ZNF292: variants seen among roughly 807,000 people sequenced by gnomAD.
ZNF292 encodes 16 zinc-finger domain protein.
ZNF292 carries 26 observed loss-of-function variants against 217.9 expected under a neutral mutation model. That is an observed-to-expected ratio of 0.12 (90% confidence interval 0.09 to 0.17). ZNF292 has a LOEUF of 0.17. Ranked by LOEUF, ZNF292 falls within the 10% of genes least tolerant of loss-of-function variation. ZNF292 has a pLI of 1.00. For missense variants in ZNF292, 2,904 were observed against 3,175.2 expected, an observed-to-expected ratio of 0.91 and a Z score of 2.05; for synonymous variants, 1,257 against 1,124.1, an observed-to-expected ratio of 1.12 and a Z score of -2.37.
At chr6:87,251,351 C>T (rs1052793820) in intron 7 of ZNF292, among the ~76,000 whole-genome samples, 1 of 152,142 alleles carries the variant, frequency 6.6e-6, no homozygotes, top group Non-Finnish European at 1.5e-5. Flanking sequence ...TGGGATGTTA[C>T]ATGGGAAACT....
At position 87,155,687 on chromosome 6, in the gene ZNF292, G is replaced by A; in HGVS notation, c.96G>A (p.Leu32=). Residue 32 remains leucine, a synonymous_variant, in exon 1 of 8, where the codon CTG becomes CTA. Transcript: ENST00000369577. ...GCCTGGGCGAGCGGCTCCAGGAGCT[G>A]GAGCTACAGCTGCGGGAGAGCCGGG... ...LQRLGERLQE[L]ELQLRESRVP... 1 of 1,590,468 alleles carries A rather than the reference G, an allele frequency of 6.3e-7. No homozygotes were observed. Among genetic ancestry groups the A allele is most frequent in the East Asian group, 2.3e-5 (1 of 43,860 alleles).
intron 4 of ZNF292, chr6:87,222,951 A>G: frequency 2.8e-6 from 1 of 351,952 alleles, no homozygotes; most frequent in Non-Finnish European, 5.9e-6. Flanking sequence ...TCATGATTAG[A>G]CTGGGGTTAT....
intron 1 of ZNF292, among the ~76,000 whole-genome samples, chr6:87,157,013 A>G (rs1421638717): frequency 2.0e-5 from 3 of 152,260 alleles, no homozygotes; most frequent in Admixed American, 1.3e-4. Context: ...ACGTAGAACA[A>G]TGGTTGACCA....
chr6:87,200,242 A>G (rs1405753232), intron 1 of ZNF292, among the ~76,000 whole-genome samples: 1 of 152,208 alleles, frequency 6.6e-6, no homozygotes, highest in Admixed American at 6.5e-5. Context: ...TGACTGCTTG[A>G]CTATGGGAGT....
intron 1 of ZNF292, among the ~76,000 whole-genome samples, chr6:87,180,156 A>G (rs1771428990): frequency 6.6e-6 from 1 of 152,254 alleles, no homozygotes; most frequent in Non-Finnish European, 1.5e-5. Flanking sequence ...ATCGCAAAAC[A>G]AAACAAAACA....
At chr6:87,216,507 C>T (rs1000096506) in intron 3 of ZNF292, 130 bp downstream of exon 3, 1 of 643,074 alleles carries the variant, frequency 1.6e-6, no homozygotes, top group Non-Finnish European at 2.7e-6. Context: ...ATCTTATTGA[C>T]ACTAGTATCT....
chr6:87,160,919 A>G (rs1770726613), intron 1 of ZNF292, among the ~76,000 whole-genome samples: 1 of 152,158 alleles, frequency 6.6e-6, no homozygotes, highest in Non-Finnish European at 1.5e-5. Flanking sequence ...AATTCCTCTA[A>G]GTACCCTTTT....
chr6:87,163,839 T>TTC (rs2127769983), intron 1 of ZNF292, among the ~76,000 whole-genome samples: 1 of 152,014 alleles, frequency 6.6e-6, no homozygotes, highest in African/African-American at 2.4e-5. Context: ...ACTGGCATTT[T>TTC]TGGAGAAAAA....
In ZNF292 at chr6:87,257,508, T is replaced by C; in HGVS notation, c.3879T>C (p.Asn1293=). The change falls in exon 8 of 8, where the codon AAT becomes AAC. Residue 1293 remains asparagine (N), a synonymous_variant. Coordinates refer to ENST00000369577, the MANE Select transcript of ZNF292 (RefSeq NM_015021.3). ...TNSVFSQLEN[N]TNHYSSQIEG... is the part of the protein sequence containing the mutation. The stretch of plus-strand genomic sequence containing the variant: ...CTGTTTTTTCCCAACTGGAAAATAA[T>C]ACAAATCATTATTCCTCACAGATTG... 1 of 1,610,490 alleles carries C rather than the reference T, an allele frequency of 6.2e-7. No individual in the cohort carries two copies. Among genetic ancestry groups the C allele is most frequent in the South Asian group, 1.1e-5 (1 of 90,440 alleles).
chr6:87,188,622 A>G (rs1262927583), intron 1 of ZNF292, among the ~76,000 whole-genome samples: 1 of 152,078 alleles, frequency 6.6e-6, no homozygotes, highest in Non-Finnish European at 1.5e-5. Context: ...GATTATTTAA[A>G]GTTCTTACAA....
chr6:87,249,045 T>TA (rs1410874933), intron 7 of ZNF292, among the ~76,000 whole-genome samples: 2 of 152,170 alleles, frequency 1.3e-5, no homozygotes, highest in Non-Finnish European at 2.9e-5. Flanking sequence ...GGTTCAGAAT[T>TA]AGAGTATATA....
At chr6:87,239,291 G>T (rs1452257395) in intron 5 of ZNF292, among the ~76,000 whole-genome samples, 14 of 151,482 alleles carry the variant, frequency 9.2e-5, no homozygotes, top group Non-Finnish European at 1.8e-4. Context: ...CGGACGGGGC[G>T]CCAGCTGGGC....
chr6:87,245,949 T>C (rs1774556265), intron 7 of ZNF292, among the ~76,000 whole-genome samples: 1 of 152,204 alleles, frequency 6.6e-6, no homozygotes, highest in Non-Finnish European at 1.5e-5. Flanking sequence ...ATTTAAAAAG[T>C]AGGCTGGGCG....
intron 7 of ZNF292, among the ~76,000 whole-genome samples, chr6:87,247,291 A>ATGTG (rs1554204903): frequency 3.5e-5 from 3 of 85,860 alleles, no homozygotes; most frequent in Non-Finnish European, 6.2e-5. Context: ...ATGCGCACGC[A>ATGTG]CGTGCATGCA....
intron 1 of ZNF292, among the ~76,000 whole-genome samples, chr6:87,172,612 A>G (rs1771137303): frequency 6.6e-6 from 1 of 152,158 alleles, no homozygotes; most frequent in Non-Finnish European, 1.5e-5. Flanking sequence ...TTCTAAATGC[A>G]GAATAACATA....
intron 1 of ZNF292, among the ~76,000 whole-genome samples, chr6:87,167,852 C>CATTCAAA (rs1462910899): frequency 6.6e-6 from 1 of 152,164 alleles, no homozygotes; most frequent in East Asian, 1.9e-4. Flanking sequence ...ACCTAACTGG[C>CATTCAAA]ATTCAAAATT....
chr6:87,224,378 T>C (rs1773235622), intron 4 of ZNF292, among the ~76,000 whole-genome samples: 1 of 151,972 alleles, frequency 6.6e-6, no homozygotes, highest in Non-Finnish European at 1.5e-5. Context: ...TATAGTTTTA[T>C]AGATTTTGAC....
chr6:87,214,078 C>G (rs3857483), intron 1 of ZNF292, among the ~76,000 whole-genome samples: 81,387 of 151,910 alleles, frequency 0.54, 22,234 homozygotes, highest in Admixed American at 0.62. Context: ...AAGTGAGTCT[C>G]TGGATTGGGA....
intron 1 of ZNF292, among the ~76,000 whole-genome samples, chr6:87,206,557 A>G (rs1375289854): frequency 6.6e-6 from 1 of 152,190 alleles, no homozygotes; most frequent in African/African-American, 2.4e-5. Context: ...ATTTTTCTGT[A>G]TACTCACAAC....
Sources: gnomAD v4.1 joint callset for allele counts (sites outside exome capture counted in the v4.1 genomes callset) on GRCh38, gnomAD v4.1.1 for gene constraint, MANE v1.5 for transcripts, NCBI Gene and HGNC (gene_info 2026-07-23, HGNC 2026-07-21) for gene names.